CACNA1C: variants seen among roughly 807,000 people sequenced by gnomAD.
CACNA1C encodes voltage-dependent L-type calcium channel subunit alpha-1C.
CACNA1C carries 30 observed loss-of-function variants against 229.0 expected under a neutral mutation model. The observed-to-expected ratio is 0.13, with a 90% confidence interval of 0.10 to 0.18. The LOEUF (loss-of-function observed/expected upper bound fraction) is 0.18. Ranked by LOEUF, CACNA1C falls within the 10% of genes least tolerant of loss-of-function variation. CACNA1C has a pLI of 1.00. For synonymous variants in CACNA1C, 1,114 were observed against 1,132.5 expected, an observed-to-expected ratio of 0.98 and a Z score of 0.33; for missense variants, 1,658 against 2,845.0, an observed-to-expected ratio of 0.58 and a Z score of 9.49.
intron 29 of CACNA1C, among the ~76,000 whole-genome samples, chr12:2,615,219 G>T (rs1396440041): frequency 6.6e-6 from 1 of 152,190 alleles, no homozygotes; most frequent in Non-Finnish European, 1.5e-5. Context: ...GACCAGGCTG[G>T]GCAGCACGAA....
chr12:2,579,793 G>A (rs557492467), intron 13 of CACNA1C, among the ~76,000 whole-genome samples: 20 of 152,146 alleles, frequency 1.3e-4, no homozygotes, highest in Non-Finnish European at 2.8e-4. Flanking sequence ...TGCCCAAGCT[G>A]GTCTCAAACT....
intron 1 of CACNA1C, among the ~76,000 whole-genome samples, chr12:2,001,340 C>T (rs2042157079): frequency 6.6e-6 from 1 of 152,098 alleles, no homozygotes; most frequent in Non-Finnish European, 1.5e-5. Flanking sequence ...GTTACCAGTC[C>T]TGGGGTATTT....
At position 2,595,396 on chromosome 12, in the gene CACNA1C, A is replaced by G. The variant is rs1302281575; in HGVS notation, c.2664-478A>G. On this transcript the variant is annotated intron_variant, in intron 19 of 46. Transcript: ENST00000399655. This position sits in a 1 kb window ranked among gnomAD's most constrained non-coding sequence, Gnocchi z 4.1. ...TGAGTGCCTAGAAGCTCAGTTGGGT[A>G]ATTGTGCTGGGGCATGGAAGTGAAT... Among the ~76,000 whole-genome samples the G allele has an allele frequency of 6.6e-6, 1 of 152,130 alleles. No homozygotes were observed.
intron 3 of CACNA1C, among the ~76,000 whole-genome samples, chr12:2,433,727 G>A (rs1014649946): frequency 5.3e-5 from 8 of 152,040 alleles, no homozygotes; most frequent in Non-Finnish European, 7.4e-5. Context: ...AGACAAGATC[G>A]GCCTCCGTCT....
intron 3 of CACNA1C, among the ~76,000 whole-genome samples, chr12:2,165,671 G>T (rs1029878012): frequency 5.9e-5 from 9 of 152,186 alleles, no homozygotes; most frequent in Admixed American, 5.2e-4. Flanking sequence ...CTGTTTAAGT[G>T]GAAAATGCAT....
At chr12:2,552,491 G>C (rs781635227) in intron 10 of CACNA1C, among the ~76,000 whole-genome samples, 1 of 152,192 alleles carries the variant, frequency 6.6e-6, no homozygotes, top group Non-Finnish European at 1.5e-5. Flanking sequence ...ACCCTTAACC[G>C]TTTGGGTCTG....
rs2044819053 is a variant in CACNA1C at position 2,013,657 on chromosome 12, G to A, written c.139+42456G>A. On this transcript the variant is annotated intron_variant, in intron 1 of 46. Transcript: ENST00000682462. ...GGTGTTTTCAGGACCTGTTGTGACT[G>A]TCTTTGGAGGTAAGGCAGAGGGCAG... Among the ~76,000 whole-genome samples, 3 of 152,316 alleles carry A rather than the reference G, an allele frequency of 2.0e-5. No homozygotes were observed. The South Asian group carries it at 6.2e-4, about 32-fold the overall frequency.
chr12:2,078,248 A>G (rs1004598455), intron 1 of CACNA1C, among the ~76,000 whole-genome samples: 4 of 152,266 alleles, frequency 2.6e-5, no homozygotes, highest in African/African-American at 9.6e-5. Context: ...AGCCCTCACT[A>G]GAAATCCATC....
intron 3 of CACNA1C, among the ~76,000 whole-genome samples, chr12:2,388,930 G>A (rs933961095): frequency 2.0e-5 from 3 of 152,230 alleles, no homozygotes; most frequent in Non-Finnish European, 4.4e-5. Context: ...GAAATTTGAG[G>A]AGAGATGTGG....
intron 1 of CACNA1C, among the ~76,000 whole-genome samples, chr12:2,045,775 G>T (rs987582827): frequency 6.6e-6 from 1 of 151,972 alleles, no homozygotes; most frequent in East Asian, 1.9e-4. Context: ...AATAGCAGCC[G>T]CTCAGAATGT....
chr12:2,575,829 G>A lies in CACNA1C; in HGVS notation c.1896-5761G>A, dbSNP rs2058179561. On this transcript the variant is annotated intron_variant, in intron 13 of 46. Transcript: ENST00000399655. The surrounding 1 kb of genome is among the most constrained non-coding windows in gnomAD (Gnocchi z 4.0). ...GCTCTATACCTAGAATAAAGGTAAA[G>A]GACCTGGCCCTGAGCTCTTTGAAGC... Among the ~76,000 whole-genome samples, 1 of 152,192 alleles carries A rather than the reference G, an allele frequency of 6.6e-6. No homozygotes were observed. The highest frequency in any genetic ancestry group is 2.4e-5 in the African/African-American group (1 of 41,468).
chr12:2,104,290 A>T (rs1010540575), intron 1 of CACNA1C, among the ~76,000 whole-genome samples: 1 of 152,118 alleles, frequency 6.6e-6, no homozygotes, highest in South Asian at 2.1e-4. Flanking sequence ...GGTCCTTCAC[A>T]TCCCTTGTAA....
At chr12:2,550,701 G>A (rs2099898510) in intron 10 of CACNA1C, 2 of 1,305,380 alleles carry the variant, frequency 1.5e-6, no homozygotes, top group African/African-American at 3.0e-5. Context: ...CTGGGGGGCG[G>A]GGCAGGGCGG....
intron 3 of CACNA1C, among the ~76,000 whole-genome samples, chr12:2,397,493 G>A (rs950276827): frequency 1.2e-4 from 19 of 152,232 alleles, no homozygotes; most frequent in African/African-American, 2.2e-4. Context: ...CACGTGCCGC[G>A]GAGGCGGCAC....
chr12:2,605,149 A>G lies in CACNA1C; in HGVS notation c.3029A>G (p.Asn1010Ser). The change falls in exon 23 of 47, where the codon AAC becomes AGC. Residue 1010 changes from asparagine to serine, a missense_variant. This residue lies in a region of CACNA1C where 39 missense variants were observed against 143.3 expected (regional missense o/e 0.27). Transcript: ENST00000399655. The surrounding 1 kb of genome is among the most constrained non-coding windows in gnomAD (Gnocchi z 6.2). ...GTACTCAGGCCCCTGAGGGCCATCA[A>G]CAGGGCCAAGGGGCTAAAGGTGAGT... Reference protein sequence around the residue: ...LRVLRPLRAINRAKGLKHVVQ... With the variant: ...LRVLRPLRAISRAKGLKHVVQ... 1.9e-6 allele frequency: 3 copies of G among 1,612,914 alleles called. No individual in the cohort carries two copies. The highest frequency in any genetic ancestry group is 2.5e-6 in the Non-Finnish European group (3 of 1,178,930).
chr12:2,044,280 C>G (rs1447434379), intron 1 of CACNA1C, among the ~76,000 whole-genome samples: 2 of 152,164 alleles, frequency 1.3e-5, no homozygotes, highest in Non-Finnish European at 2.9e-5. Context: ...TGGAAGTGTC[C>G]TGCCATACTT....
rs1364052100 is a variant in CACNA1C, at chr12:2,585,200, C to T, written c.2340-176C>T. ...AGGCAGAGCAGGTGTAGCTCAGCCC[C>T]ATAGCACTTGTGACTGAGCTGCACA... On this transcript the variant is annotated intron_variant, in intron 16 of 46. Coordinates refer to ENST00000399655, the MANE Select transcript of CACNA1C (RefSeq NM_000719.7). The surrounding 1 kb of genome is among the most constrained non-coding windows in gnomAD (Gnocchi z 4.1). Among the ~76,000 whole-genome samples, 1 of 152,154 alleles carries T rather than the reference C, an allele frequency of 6.6e-6. No individual in the cohort carries two copies. Among genetic ancestry groups the T allele is most frequent in the Admixed American group, 6.5e-5 (1 of 15,276 alleles).
upstream of CACNA1C, chr12:2,049,228 C>A (rs570364559): frequency 2.5e-4 from 38 of 152,364 alleles, 1 homozygote; most frequent in Middle Eastern, 3.4e-3. Context: ...GGTCTTTCAA[C>A]ATCAACTGGC....
At chr12:2,290,980 A>G (rs2093436451) in intron 3 of CACNA1C, among the ~76,000 whole-genome samples, 1 of 152,190 alleles carries the variant, frequency 6.6e-6, no homozygotes, top group African/African-American at 2.4e-5. Context: ...GGTTTACAGC[A>G]TGGATGTTGG....
Sources: allele counts gnomAD v4.1 joint callset (sites outside exome capture counted in the v4.1 genomes callset), GRCh38; gene constraint gnomAD v4.1.1; regional missense constraint gnomAD v4.1.1; non-coding constraint Gnocchi (gnomAD v3.1); transcripts MANE v1.5; gene names NCBI Gene and HGNC (gene_info 2026-07-23, HGNC 2026-07-21).